The following FAM120C variants were observed in gnomAD, a reference collection of about 807,000 sequenced individuals.
FAM120C encodes the protein constitutive coactivator of PPAR-gamma-like protein 2.
Under a neutral mutation model 71.2 loss-of-function variants are expected in FAM120C, and 14 were observed. The observed-to-expected ratio is 0.20, with a 90% CI of 0.13 to 0.31. The LOEUF is 0.31. Among genes scored for constraint, FAM120C ranks in the 10% least tolerant of loss-of-function variants. FAM120C has a pLI of 1.00. For missense variants in FAM120C, 500 were observed against 879.0 expected (o/e 0.57, Z 5.45); for synonymous variants, 354 against 353.2 (o/e 1.00, Z -0.03).
chrX:54,150,807 G>A (rs184860350), intron 4 of FAM120C, among the ~76,000 whole-genome samples: 31 of 110,454 alleles, frequency 2.8e-4, no homozygotes, highest in East Asian at 2.6e-3. Flanking sequence ...GGAGTGCAGC[G>A]GCGCAATCTC....
At chrX:54,094,081 TCC>T (rs1447773363) in intron 10 of FAM120C, among the ~76,000 whole-genome samples, 20 of 75,617 alleles carry the variant, frequency 2.6e-4, no homozygotes, top group Non-Finnish European at 7.6e-5. Flanking sequence ...GTTCCACGAC[TCC>T]TTTTTTTTTT....
At chrX:54,154,906 AG>A (rs2067202075) in intron 3 of FAM120C, among the ~76,000 whole-genome samples, 1 of 111,439 alleles carries the variant, frequency 9.0e-6, no homozygotes, top group South Asian at 3.8e-4. Flanking sequence ...ATGTGGAGAC[AG>A]AAAAGAGAAG....
At chrX:54,172,369 C>T (rs782699200) in intron 1 of FAM120C, among the ~76,000 whole-genome samples, 1 of 112,258 alleles carries the variant, frequency 8.9e-6, no homozygotes, top group African/African-American at 3.2e-5. Flanking sequence ...TGGTGCAAAC[C>T]ACAATGTTAA....
At chrX:54,150,587 G>C (rs2067179749) in intron 4 of FAM120C, among the ~76,000 whole-genome samples, 1 of 111,642 alleles carries the variant, frequency 9.0e-6, no homozygotes, top group African/African-American at 3.3e-5. Flanking sequence ...CTCCCAAAGT[G>C]CTGGTATTAC....
At chrX:54,133,013 C>T in intron 8 of FAM120C, 150 bp from the exon 9 acceptor site, 1 of 423,166 alleles carries the variant, frequency 2.4e-6, no homozygotes, top group Non-Finnish European at 3.8e-6. Context: ...GAAGCTGTAA[C>T]AAGCTTAGCT....
Position 54,159,753 on chromosome X carries a change from A to G in FAM120C, c.700-137T>C. On this transcript the variant is annotated intron_variant, in intron 1 of 15. Transcript: ENST00000375180. ...TGAGAGAACAGAACATTCTTTTAACATTTTTTACTTTTTTTTTTTTTTTTT... is the reference window on the plus strand; with the variant it reads ...TGAGAGAACAGAACATTCTTTTAACGTTTTTTACTTTTTTTTTTTTTTTTT... The G allele has an allele frequency of 1.0e-5, 6 of 576,375 alleles. 1 individual carries two copies. The highest frequency in any genetic ancestry group is 7.5e-6 in the Non-Finnish European group (3 of 402,378). 47.5% of individuals were successfully genotyped at this position (576,375 alleles called of 1,213,427 possible). A position where few individuals can be genotyped will look rare whatever the true frequency, so the allele number is the denominator to read the frequency against.
intron 10 of FAM120C, among the ~76,000 whole-genome samples, chrX:54,095,434 C>A (rs1254093784): frequency 1.0e-5 from 1 of 96,456 alleles, no homozygotes; most frequent in Non-Finnish European, 2.0e-5. Context: ...GAGTATTGAT[C>A]TCCCAGGCTC....
Position 54,132,675 on chromosome X carries a change from G to A in FAM120C, c.2062+17C>T. 8.5e-7 allele frequency: 1 copy of A among 1,182,992 alleles called. No individual in the cohort carries two copies. On this transcript the variant is annotated intron_variant, in intron 9 of 15. Transcript: ENST00000375180. ...GTCAAGTGCTGAGAGAATTGTCATA[G>A]CTAGAACTACACTTACCTTCCACAG... is the stretch of plus-strand genomic sequence containing the variant.
chrX:54,128,872 T>C (rs1244961612), intron 9 of FAM120C, among the ~76,000 whole-genome samples: 19 of 111,227 alleles, frequency 1.7e-4, no homozygotes, highest in Non-Finnish European at 3.2e-4. Flanking sequence ...TGTCTACTTC[T>C]TTCTACACAG....
At chrX:54,079,662 T>C (rs1440755641) in intron 15 of FAM120C, among the ~76,000 whole-genome samples, 3 of 110,581 alleles carry the variant, frequency 2.7e-5, no homozygotes, top group Non-Finnish European at 5.7e-5. Context: ...CCGGGCGTGG[T>C]GGTGCATGCC....
intron 10 of FAM120C, among the ~76,000 whole-genome samples, chrX:54,105,343 C>T (rs782151276): frequency 3.3e-4 from 37 of 111,415 alleles, no homozygotes; most frequent in East Asian, 1.1e-3. Flanking sequence ...AAAAGGCCTT[C>T]AACAAAATTC....
chrX:54,166,611 C>T (rs57180114), intron 1 of FAM120C, among the ~76,000 whole-genome samples: 3,269 of 111,717 alleles, frequency 0.029, 117 homozygotes, highest in African/African-American at 0.1. Context: ...TCTATCTATA[C>T]ACATAGAAAA....
In FAM120C at chrX:54,159,520, G is replaced by C; in HGVS notation, c.796C>G (p.Leu266Val). ...GLLAHDSEYA[L>V]YNIPSYYSSH... is the part of the protein sequence containing the mutation. ...CTGTAGTAAGAGGGAATATTGTAGA[G>C]AGCATACTCGGAGTCATGGGCAAGA... Residue 266 changes from leucine (L) to valine (V), a missense_variant, in exon 2 of 16, where the codon CTC (leucine) becomes GTC (valine). Around this residue, in one of 11 missense-constraint regions of FAM120C, gnomAD observed 45 missense variants for 140.2 expected, o/e 0.32. Coordinates refer to ENST00000375180, the MANE Select transcript of FAM120C (RefSeq NM_017848.6). The C allele has an allele frequency of 8.3e-7, 1 of 1,210,963 alleles. No individual in the cohort carries two copies. Among genetic ancestry groups the C allele is most frequent in the Non-Finnish European group, 1.1e-6 (1 of 895,207 alleles).
intron 13 of FAM120C, among the ~76,000 whole-genome samples, chrX:54,085,406 G>A (rs1557121833): frequency 9.0e-6 from 1 of 111,570 alleles, no homozygotes; most frequent in Non-Finnish European, 1.9e-5. Context: ...TGACCAACAT[G>A]GTGAAACCCT....
chrX:54,083,793 CT>C (rs1342129058), intron 13 of FAM120C, among the ~76,000 whole-genome samples: 1 of 111,346 alleles, frequency 9.0e-6, no homozygotes, highest in Admixed American at 9.7e-5. Flanking sequence ...TCTTGGCTCA[CT>C]GCAATCCACC....
chrX:54,100,693 C>T (rs782102244), intron 10 of FAM120C, among the ~76,000 whole-genome samples: 1 of 111,777 alleles, frequency 8.9e-6, no homozygotes, highest in Admixed American at 9.6e-5. Context: ...CACATACACA[C>T]ATACAAAACA....
chrX:54,103,354 T>G (rs2066891232), intron 10 of FAM120C, among the ~76,000 whole-genome samples: 1 of 111,826 alleles, frequency 8.9e-6, no homozygotes, highest in Non-Finnish European at 1.9e-5. Context: ...GCTTGTGTAC[T>G]CTCATTTAAA....
chrX:54,144,965 A>G lies in FAM120C; in HGVS notation c.1158+6280T>C, dbSNP rs1246054458. The stretch of plus-strand genomic sequence containing the variant: ...ACAGCATGGTACTGGTACCAAAACA[A>G]CGATATAGACCAATGGAACAGAACA... On this transcript the variant is annotated intron_variant, in intron 4 of 15. Coordinates refer to ENST00000375180, the MANE Select transcript of FAM120C (RefSeq NM_017848.6). Among the ~76,000 whole-genome samples, 11 of 111,374 alleles carry G rather than the reference A, an allele frequency of 9.9e-5. 1 individual carries two copies. The highest frequency in any genetic ancestry group is 5.6e-4 in the East Asian group (2 of 3,542).
At chrX:54,133,123 G>A (rs782354236) in intron 8 of FAM120C, among the ~76,000 whole-genome samples, 1 of 111,565 alleles carries the variant, frequency 9.0e-6, no homozygotes, top group Non-Finnish European at 1.9e-5. Flanking sequence ...AGGCTGAGGC[G>A]GGTGGATCAC....
Sources: gnomAD v4.1 joint callset for allele counts (sites outside exome capture counted in the v4.1 genomes callset) on GRCh38, gnomAD v4.1.1 for gene constraint, gnomAD v4.1.1 regional missense constraint, MANE v1.5 for transcripts, NCBI Gene and HGNC (gene_info 2026-07-23, HGNC 2026-07-21) for gene names.